AKAIN1: variants seen among roughly 807,000 people sequenced by gnomAD.
AKAIN1 encodes the protein A-kinase anchor protein inhibitor 1.
AKAIN1 carries 3 observed loss-of-function variants against 3.7 expected under a neutral mutation model. The ratio of observed to expected loss-of-function variants is 0.82; its 90% confidence interval spans 0.37 to 2.12. The LOEUF (loss-of-function observed/expected upper bound fraction) is 2.12, where lower values mean the gene tolerates loss of function less well. Ranked by LOEUF, AKAIN1 falls within the 30% of genes most tolerant of loss-of-function variation. The pLI, the probability that AKAIN1 is intolerant of heterozygous loss-of-function variation, is 0.06. For missense variants in AKAIN1, 82 were observed against 82.7 expected, an observed-to-expected ratio of 0.99 and a Z score of 0.03; for synonymous variants, 31 against 30.8, an observed-to-expected ratio of 1.01 and a Z score of -0.02.
At chr18:5,185,808 C>T (rs1264413854) in intron 1 of AKAIN1, among the ~76,000 whole-genome samples, 1 of 151,870 alleles carries the variant, frequency 6.6e-6, no homozygotes, top group Non-Finnish European at 1.5e-5. Flanking sequence ...ACTTATTTGT[C>T]CCAGCAATCG....
chr18:5,166,171 T>C (rs1270343401), intron 1 of AKAIN1, among the ~76,000 whole-genome samples: 3 of 152,052 alleles, frequency 2.0e-5, no homozygotes, highest in African/African-American at 7.2e-5. Context: ...TAGAATTACC[T>C]AAAATACCAT....
intron 1 of AKAIN1, among the ~76,000 whole-genome samples, chr18:5,167,905 C>T (rs60661517): frequency 0.02 from 3,086 of 152,206 alleles, 105 homozygotes; most frequent in African/African-American, 0.07. Context: ...GTTCCTGACA[C>T]AGATGAACAT....
At chr18:5,152,018 C>T (rs148681647) in intron 1 of AKAIN1, among the ~76,000 whole-genome samples, 108 of 152,302 alleles carry the variant, frequency 7.1e-4, no homozygotes, top group African/African-American at 1.9e-3. Context: ...ACCAGCTAAT[C>T]AGCTGGGTTT....
intron 1 of AKAIN1, among the ~76,000 whole-genome samples, chr18:5,173,014 C>A (rs1277370149): frequency 6.6e-6 from 1 of 151,972 alleles, no homozygotes; most frequent in Admixed American, 6.6e-5. Context: ...ATTTATTTCA[C>A]AGTTGGTTAA....
intron 1 of AKAIN1, among the ~76,000 whole-genome samples, chr18:5,178,635 G>A (rs1427713897): frequency 1.3e-5 from 2 of 152,180 alleles, no homozygotes; most frequent in African/African-American, 4.8e-5. Flanking sequence ...GATGCACAAG[G>A]AGATGGAGAA....
chr18:5,161,513 A>G (rs2071139306), intron 1 of AKAIN1, among the ~76,000 whole-genome samples: 1 of 151,846 alleles, frequency 6.6e-6, no homozygotes, highest in Non-Finnish European at 1.5e-5. Flanking sequence ...CCTTCTATTT[A>G]TTTATTTATT....
intron 1 of AKAIN1, among the ~76,000 whole-genome samples, chr18:5,173,863 A>G (rs924468849): frequency 6.6e-6 from 1 of 152,064 alleles, no homozygotes; most frequent in Non-Finnish European, 1.5e-5. Context: ...GTGCGCCATT[A>G]GAGACCGAGA....
intron 1 of AKAIN1, among the ~76,000 whole-genome samples, chr18:5,149,840 T>TTTTGTA (rs1261110339): frequency 6.6e-6 from 1 of 152,056 alleles, no homozygotes; most frequent in African/African-American, 2.4e-5. Context: ...AGTGTTTTAT[T>TTTTGTA]TTTGTTTTTG....
chr18:5,160,418 A>C (rs1478461108), intron 1 of AKAIN1, among the ~76,000 whole-genome samples: 1 of 151,860 alleles, frequency 6.6e-6, no homozygotes, highest in Non-Finnish European at 1.5e-5. Context: ...TTATGTGCCC[A>C]TTTTTCTACT....
At chr18:5,160,817 T>C (rs1359990619) in intron 1 of AKAIN1, among the ~76,000 whole-genome samples, 1 of 152,168 alleles carries the variant, frequency 6.6e-6, no homozygotes, top group Non-Finnish European at 1.5e-5. Context: ...GTTTGGCCTT[T>C]CCCTACTGAC....
At chr18:5,164,498 T>C (rs2071156810) in intron 1 of AKAIN1, among the ~76,000 whole-genome samples, 1 of 152,026 alleles carries the variant, frequency 6.6e-6, no homozygotes, top group Non-Finnish European at 1.5e-5. Context: ...AATTTCTACT[T>C]TATTATCTCT....
intron 1 of AKAIN1, among the ~76,000 whole-genome samples, chr18:5,164,815 T>A (rs564889172): frequency 1.2e-4 from 18 of 152,154 alleles, no homozygotes; most frequent in Non-Finnish European, 2.4e-4. Flanking sequence ...CCCCACACAA[T>A]GCAAAAATAA....
intron 1 of AKAIN1, among the ~76,000 whole-genome samples, chr18:5,161,244 A>C (rs2071137706): frequency 6.6e-6 from 1 of 152,056 alleles, no homozygotes; most frequent in Non-Finnish European, 1.5e-5. Flanking sequence ...AATTATGTTT[A>C]CAAGGTATTG....
At chr18:5,195,832 G>A in intron 1 of AKAIN1, among the ~76,000 whole-genome samples, 1 of 152,000 alleles carries the variant, frequency 6.6e-6, no homozygotes, top group East Asian at 1.9e-4. Flanking sequence ...ATTTAGGATG[G>A]GCATGGGAAG....
chr18:5,151,265 C>T lies in AKAIN1; in HGVS notation c.17-5510G>A, dbSNP rs74349211. ...TGATGAGCACATGGAACACAGAGAA[C>T]AAGAACTAATTCTGGGCCCTTTAAT... On this transcript the variant is annotated intron_variant, in intron 1 of 1. Coordinates refer to ENST00000434239, the MANE Select transcript of AKAIN1 (RefSeq NM_001145194.2). 9.9e-3 allele frequency among the ~76,000 whole-genome samples: 1,510 copies of T among 152,272 alleles called. 22 individuals carry two copies. The highest frequency in any genetic ancestry group is 0.034 in the African/African-American group (1,427 of 41,552).
At chr18:5,196,026 TA>T (rs141609064) in intron 1 of AKAIN1, among the ~76,000 whole-genome samples, 8,710 of 151,148 alleles carry the variant, frequency 0.058, 342 homozygotes, top group African/African-American at 0.11. Context: ...TTCTTCCCTT[TA>T]AAAAAAAATG....
chr18:5,189,489 C>G (rs545450919), intron 1 of AKAIN1, among the ~76,000 whole-genome samples: 1 of 152,224 alleles, frequency 6.6e-6, no homozygotes, highest in Non-Finnish European at 1.5e-5. Flanking sequence ...CCTCTTACAT[C>G]TCACTGTATG....
At chr18:5,192,393 C>G (rs1157176897) in intron 1 of AKAIN1, among the ~76,000 whole-genome samples, 1 of 93,404 alleles carries the variant, frequency 1.1e-5, no homozygotes, top group Non-Finnish European at 2.3e-5. Context: ...AATTTTCTTT[C>G]TTTCTTTCTT....
intron 1 of AKAIN1, among the ~76,000 whole-genome samples, chr18:5,153,483 G>A (rs892987744): frequency 1.3e-5 from 2 of 151,036 alleles, no homozygotes; most frequent in African/African-American, 5.0e-5. Flanking sequence ...CAACCACACA[G>A]ATATATGGAA....
Sources: allele counts gnomAD v4.1 joint callset (sites outside exome capture counted in the v4.1 genomes callset), GRCh38; gene constraint gnomAD v4.1.1; transcripts MANE v1.5; gene names NCBI Gene and HGNC (gene_info 2026-07-23, HGNC 2026-07-21).